NEK11: variants seen among roughly 807,000 people sequenced by gnomAD.
The protein encoded by NEK11 is NIMA related kinase 11, also known as serine/threonine-protein kinase Nek11.
In NEK11, 72 loss-of-function variants were observed where a neutral mutation model predicts 80.7. That is an observed-to-expected ratio of 0.89 (90% CI 0.74 to 1.08). NEK11 has a LOEUF of 1.08. Among genes scored for constraint, NEK11 ranks in the 50% least tolerant of loss-of-function variants. The probability of loss-of-function intolerance (pLI) is 0.00; values close to 1 mark genes in which losing one functional copy is unlikely to be tolerated. For synonymous variants in NEK11, 251 were observed against 260.7 expected, an observed-to-expected ratio of 0.96 and a Z score of 0.36; for missense variants, 764 against 763.6, an observed-to-expected ratio of 1.00 and a Z score of -0.01.
At chr3:131,340,667 T>C (rs2097270359) in intron 17 of NEK11, among the ~76,000 whole-genome samples, 1 of 152,096 alleles carries the variant, frequency 6.6e-6, no homozygotes, top group Non-Finnish European at 1.5e-5. Flanking sequence ...CAGTTCAAAT[T>C]TTGGAACATT....
At position 131,346,743 on chromosome 3, in the gene NEK11, G is replaced by A. The variant is rs906645410; in HGVS notation, c.1719-2814G>A. ...GAGTCGAAGTGAAGGGCACCATGAA[G>A]TGGAAGATTAGCTGGTAAGTATGGT... On this transcript the variant is annotated intron_variant, in intron 17 of 17. Coordinates refer to ENST00000383366, the MANE Select transcript of NEK11 (RefSeq NM_024800.5). Among the ~76,000 whole-genome samples, 33 of 152,134 alleles carry A rather than the reference G, an allele frequency of 2.2e-4. 1 individual carries two copies. Among genetic ancestry groups the A allele is most frequent in the Non-Finnish European group, 4.4e-5 (3 of 68,024 alleles).
intron 3 of NEK11, among the ~76,000 whole-genome samples, chr3:131,071,646 TAAAC>T (rs1020778217): frequency 4.3e-4 from 66 of 152,086 alleles, no homozygotes; most frequent in Middle Eastern, 3.2e-3. Flanking sequence ...GTTTTCAAAT[TAAAC>T]AAATATCATG....
In NEK11 at chr3:131,162,647, T is replaced by C. The variant is rs2091771629; in HGVS notation, c.1082+120T>C. ...CCCAATGCATACGATTATGTATTTA[T>C]GTGTTTATTCATTCACTTGTTCACT... On this transcript the variant is annotated intron_variant, in intron 11 of 17. Coordinates refer to ENST00000383366, the MANE Select transcript of NEK11 (RefSeq NM_024800.5). The C allele has an allele frequency of 2.7e-6, 3 of 1,129,754 alleles. No individual in the cohort carries two copies. In the African/African-American group the frequency reaches 4.6e-5, roughly 17 times the overall value. The allele number at this position is 1,129,754 out of a possible 1,614,324, so 70.0% of individuals were successfully genotyped here.
intron 4 of NEK11, among the ~76,000 whole-genome samples, chr3:131,106,301 T>C (rs924490894): frequency 1.2e-3 from 178 of 143,704 alleles, no homozygotes; most frequent in Non-Finnish European, 2.1e-3. Context: ...TTTTTTTTTT[T>C]CCCATCCTTC....
Position 131,109,901 on chromosome 3 carries a change from A to G in NEK11, c.435A>G (p.Gly145=), listed in dbSNP as rs759098522. The G allele has an allele frequency of 6.2e-7, 1 of 1,600,514 alleles. No individual in the cohort carries two copies. Residue 145 remains glycine, a synonymous_variant, in exon 5 of 18, where the codon GGA becomes GGG. Coordinates refer to ENST00000383366, the MANE Select transcript of NEK11 (RefSeq NM_024800.5). ...IIEWFIQLLL[G]VDYMHERRIL... ...AATGGTTTATCCAGCTGCTGCTGGG[A>G]GTTGACTACATGCATGAGAGGTATG...
At chr3:131,194,263 G>A (rs2093914619) in intron 14 of NEK11, among the ~76,000 whole-genome samples, 1 of 152,052 alleles carries the variant, frequency 6.6e-6, no homozygotes. Flanking sequence ...GTTATTTTTA[G>A]TCGAATAGCT....
chr3:131,337,793 AC>A (rs1030731199), intron 17 of NEK11, among the ~76,000 whole-genome samples: 2 of 151,688 alleles, frequency 1.3e-5, no homozygotes, highest in Non-Finnish European at 2.9e-5. Context: ...ATCAATCTGA[AC>A]CCCCCCTCCA....
chr3:131,204,062 G>T (rs935386922), intron 14 of NEK11, among the ~76,000 whole-genome samples: 1 of 151,888 alleles, frequency 6.6e-6, no homozygotes, highest in African/African-American at 2.4e-5. Context: ...GCTAGGTTTA[G>T]ATCTTACTCT....
intron 14 of NEK11, among the ~76,000 whole-genome samples, chr3:131,210,504 C>G (rs1421275796): frequency 6.6e-6 from 1 of 152,152 alleles, no homozygotes; most frequent in African/African-American, 2.4e-5. Context: ...TGGTGCAGAG[C>G]TGAGTTCAAT....
intron 3 of NEK11, among the ~76,000 whole-genome samples, chr3:131,036,558 G>T (rs1350647382): frequency 6.6e-6 from 1 of 152,184 alleles, no homozygotes; most frequent in Non-Finnish European, 1.5e-5. Flanking sequence ...TTCTTGTGAG[G>T]TACAATAAAC....
intron 4 of NEK11, among the ~76,000 whole-genome samples, chr3:131,084,827 C>T (rs2075763358): frequency 6.6e-6 from 1 of 152,160 alleles, no homozygotes; most frequent in Admixed American, 6.5e-5. Flanking sequence ...TTAATTGATC[C>T]TCGGAAATGG....
intron 14 of NEK11, among the ~76,000 whole-genome samples, chr3:131,202,348 A>G (rs1399717676): frequency 1.3e-5 from 2 of 152,142 alleles, no homozygotes; most frequent in Non-Finnish European, 2.9e-5. Flanking sequence ...TAGCCAAGGG[A>G]AGCCCTGACA....
At chr3:131,166,401 A>C (rs893129424) in intron 12 of NEK11, among the ~76,000 whole-genome samples, 23 of 152,372 alleles carry the variant, frequency 1.5e-4, no homozygotes, top group African/African-American at 4.8e-4. Flanking sequence ...GCCCTGGGGC[A>C]TGCAGGAGAC....
At chr3:131,154,858 T>A in intron 9 of NEK11, 178 bp from the exon 10 acceptor site, 1 of 546,582 alleles carries the variant, frequency 1.8e-6, no homozygotes, top group Non-Finnish European at 3.3e-6. Flanking sequence ...CCCTGCAAGA[T>A]CTTCTTGGAA....
At chr3:131,162,226 G>T (rs752993457) in intron 10 of NEK11, among the ~76,000 whole-genome samples, 182 bp from the exon 11 acceptor site, 3 of 152,162 alleles carry the variant, frequency 2.0e-5, no homozygotes, top group Non-Finnish European at 4.4e-5. Flanking sequence ...TTTGAAAAAT[G>T]TTGCTTATTA....
At chr3:131,075,159 C>T (rs1473185715) in intron 3 of NEK11, among the ~76,000 whole-genome samples, 4 of 152,032 alleles carry the variant, frequency 2.6e-5, no homozygotes, top group African/African-American at 7.2e-5. Context: ...GATCGGGGTA[C>T]GTAGAATGGA....
At chr3:131,109,760 A>T (rs760365939) in intron 4 of NEK11, 43 bp from the exon 5 acceptor site, 1 of 1,543,560 alleles carries the variant, frequency 6.5e-7, no homozygotes, top group Non-Finnish European at 8.7e-7. Flanking sequence ...TGATTTTAAC[A>T]TATTAGCTGA....
chr3:131,248,413 A>T (rs1037153802), intron 16 of NEK11, among the ~76,000 whole-genome samples: 2 of 152,040 alleles, frequency 1.3e-5, no homozygotes, highest in African/African-American at 2.4e-5. Flanking sequence ...AGTACATGAG[A>T]TTTTTTAAAT....
intron 4 of NEK11, among the ~76,000 whole-genome samples, chr3:131,098,033 T>C (rs2149234315): frequency 6.9e-6 from 1 of 145,436 alleles, no homozygotes; most frequent in Admixed American, 6.9e-5. Flanking sequence ...TTGACAAACC[T>C]GAGAAAAACA....
Sources: gnomAD v4.1 joint callset for allele counts (sites outside exome capture counted in the v4.1 genomes callset) on GRCh38, gnomAD v4.1.1 for gene constraint, MANE v1.5 for transcripts, NCBI Gene and HGNC (gene_info 2026-07-23, HGNC 2026-07-21) for gene names.